Variants in SGCZ observed in about 807,000 individuals in gnomAD.
The protein encoded by SGCZ is sarcoglycan zeta.
In SGCZ, 40 loss-of-function variants were observed where a neutral mutation model predicts 41.3. The observed-to-expected ratio is 0.97, with a 90% CI of 0.75 to 1.26. The LOEUF (loss-of-function observed/expected upper bound fraction) is 1.26. Ranked by LOEUF, SGCZ falls within the 50% of genes most tolerant of loss-of-function variation. The probability of loss-of-function intolerance (pLI) is 0.00; values close to 1 mark genes in which losing one functional copy is unlikely to be tolerated. For synonymous variants in SGCZ, 206 were observed against 137.5 expected, an observed-to-expected ratio of 1.50 and a Z score of -3.49; for missense variants, 552 against 369.8, an observed-to-expected ratio of 1.49 and a Z score of -4.04.
At chr8:14,933,282 C>T (rs1354308625) in intron 1 of SGCZ, among the ~76,000 whole-genome samples, 2 of 151,868 alleles carry the variant, frequency 1.3e-5, no homozygotes, top group African/African-American at 4.9e-5. Context: ...TAACTTACAG[C>T]CTCATTTGAA....
At chr8:14,681,815 G>T (rs1808455284) in intron 1 of SGCZ, among the ~76,000 whole-genome samples, 1 of 152,072 alleles carries the variant, frequency 6.6e-6, no homozygotes, top group Non-Finnish European at 1.5e-5. Context: ...TGCATGGCAG[G>T]AAGCCCATGG....
At chr8:14,233,208 C>T (rs1806634818) in intron 4 of SGCZ, among the ~76,000 whole-genome samples, 1 of 151,800 alleles carries the variant, frequency 6.6e-6, no homozygotes, top group Admixed American at 6.6e-5. Context: ...GCATAAGGCA[C>T]ATGAGAAAGG....
intron 2 of SGCZ, among the ~76,000 whole-genome samples, chr8:14,413,855 CTTTGA>C (rs1799425565): frequency 6.6e-6 from 1 of 151,980 alleles, no homozygotes; most frequent in Admixed American, 6.6e-5. Flanking sequence ...CAGAATCTTT[CTTTGA>C]TTTGTTCTCT....
At chr8:14,358,100 C>T (rs1803361334) in intron 2 of SGCZ, among the ~76,000 whole-genome samples, 2 of 152,110 alleles carry the variant, frequency 1.3e-5, no homozygotes, top group African/African-American at 4.8e-5. Context: ...AAAGTATAAG[C>T]TCCATAAAAG....
intron 3 of SGCZ, among the ~76,000 whole-genome samples, chr8:14,262,109 C>A (rs78860270): frequency 0.011 from 1,732 of 152,222 alleles, 29 homozygotes; most frequent in African/African-American, 0.039. Context: ...ACATGAGTAT[C>A]AATTAGCAAA....
intron 1 of SGCZ, among the ~76,000 whole-genome samples, chr8:15,215,352 C>G (rs1003619046): frequency 2.0e-5 from 3 of 152,102 alleles, no homozygotes; most frequent in African/African-American, 7.2e-5. Flanking sequence ...AAGAAAAAAC[C>G]TTTCAGAAAA....
chr8:14,283,693 T>A (rs79975060), intron 3 of SGCZ, among the ~76,000 whole-genome samples: 5,615 of 152,236 alleles, frequency 0.037, 133 homozygotes, highest in Middle Eastern at 0.11. Flanking sequence ...CGAACATGAG[T>A]CAGCAAGCTT....
chr8:15,141,804 G>C (rs376465826), intron 1 of SGCZ, among the ~76,000 whole-genome samples: 24 of 152,110 alleles, frequency 1.6e-4, no homozygotes, highest in African/African-American at 5.3e-4. Flanking sequence ...AGGAGGCTGA[G>C]GCAGGAGAAC....
intron 2 of SGCZ, among the ~76,000 whole-genome samples, chr8:14,431,716 A>G (rs1452946605): frequency 6.6e-6 from 1 of 152,244 alleles, no homozygotes; most frequent in Non-Finnish European, 1.5e-5. Flanking sequence ...GAACTTTTGC[A>G]CGGCAAAAAG....
chr8:15,156,746 C>T (rs1046728584), intron 1 of SGCZ, among the ~76,000 whole-genome samples: 1 of 151,908 alleles, frequency 6.6e-6, no homozygotes, highest in Non-Finnish European at 1.5e-5. Flanking sequence ...GAGTTCAAGA[C>T]CAGCCTGGCC....
At chr8:15,171,358 G>A (rs2117063386) in intron 1 of SGCZ, among the ~76,000 whole-genome samples, 1 of 152,314 alleles carries the variant, frequency 6.6e-6, no homozygotes. Flanking sequence ...GCTGGAAACA[G>A]ATCTAGAAAC....
At chr8:14,952,635 G>A (rs901449504) in intron 1 of SGCZ, among the ~76,000 whole-genome samples, 1 of 152,144 alleles carries the variant, frequency 6.6e-6, no homozygotes. Flanking sequence ...CCAGGATGAA[G>A]GATGGTTTAT....
chr8:14,422,348 T>C (rs372718986), intron 2 of SGCZ, among the ~76,000 whole-genome samples: 1 of 152,194 alleles, frequency 6.6e-6, no homozygotes, highest in East Asian at 1.9e-4. Flanking sequence ...ATACATATAT[T>C]TACTAGTATG....
At chr8:14,792,620 G>C (rs1414250020) in intron 1 of SGCZ, among the ~76,000 whole-genome samples, 2 of 151,916 alleles carry the variant, frequency 1.3e-5, no homozygotes, top group Non-Finnish European at 2.9e-5. Flanking sequence ...ACAATGTGCA[G>C]GTTTGTTGCA....
At chr8:14,538,022 T>C (rs1803349186) in intron 2 of SGCZ, among the ~76,000 whole-genome samples, 1 of 151,948 alleles carries the variant, frequency 6.6e-6, no homozygotes, top group South Asian at 2.1e-4. Context: ...TGATTCAAGA[T>C]GAATACCACT....
chr8:14,163,507 T>C (rs1323470543), intron 5 of SGCZ, among the ~76,000 whole-genome samples: 1 of 152,204 alleles, frequency 6.6e-6, no homozygotes, highest in Non-Finnish European at 1.5e-5. Flanking sequence ...GCAGTATCAA[T>C]ATTATCATCA....
chr8:15,189,347 T>C (rs1055338643), intron 1 of SGCZ, among the ~76,000 whole-genome samples: 10 of 152,194 alleles, frequency 6.6e-5, no homozygotes, highest in Admixed American at 6.6e-4. Flanking sequence ...AAACATACGT[T>C]TTCTCTAGAG....
chr8:15,221,624 G>C (rs183075360), intron 1 of SGCZ, among the ~76,000 whole-genome samples: 3 of 152,254 alleles, frequency 2.0e-5, no homozygotes, highest in East Asian at 1.9e-4. Context: ...GTGTCATGGT[G>C]ACTTGAAGGA....
At chr8:14,790,318 T>C (rs1029944737) in intron 1 of SGCZ, among the ~76,000 whole-genome samples, 21 of 152,224 alleles carry the variant, frequency 1.4e-4, no homozygotes, top group African/African-American at 4.1e-4. Flanking sequence ...AAAACAGTTA[T>C]TTTGTAACAT....
Sources: allele counts gnomAD v4.1 joint callset (sites outside exome capture counted in the v4.1 genomes callset), GRCh38; gene constraint gnomAD v4.1.1; transcripts MANE v1.5; gene names NCBI Gene and HGNC (gene_info 2026-07-23, HGNC 2026-07-21).